Variants in OLFM3 observed in about 807,000 individuals in gnomAD.
OLFM3 encodes noelin-3.
OLFM3 carries 20 observed loss-of-function variants against 48.6 expected under a neutral mutation model. The observed-to-expected ratio is 0.41, with a 90% CI of 0.29 to 0.60. The LOEUF (loss-of-function observed/expected upper bound fraction) is 0.60, where lower values mean the gene tolerates loss of function less well. OLFM3 is among the 20% of genes least tolerant of loss of function. The pLI is 0.28. For missense variants in OLFM3, 437 were observed against 544.3 expected, an observed-to-expected ratio of 0.80 and a Z score of 1.96; for synonymous variants, 222 against 198.1, an observed-to-expected ratio of 1.12 and a Z score of -1.01.
intron 3 of OLFM3, among the ~76,000 whole-genome samples, chr1:101,826,541 G>C (rs1005579328): frequency 1.3e-5 from 2 of 152,302 alleles, no homozygotes; most frequent in Admixed American, 6.5e-5. Flanking sequence ...AATAGCAGGA[G>C]CTCCCATTGC....
intron 1 of OLFM3, among the ~76,000 whole-genome samples, chr1:101,903,647 T>C (rs1483848622): frequency 6.6e-6 from 1 of 151,938 alleles, no homozygotes; most frequent in Non-Finnish European, 1.5e-5. Context: ...TAAGAACTGC[T>C]TGTTTACAGA....
chr1:101,836,919 C>T lies in OLFM3; in HGVS notation c.176G>A (p.Arg59Gln), dbSNP rs189232723. Reference sequence around the variant, plus strand: ...GCGAAGTTGCCTGCTTTTGGCATCCCGGGAACACAGGTTTTGTTCTGGAGC... The same window carrying T: ...GCGAAGTTGCCTGCTTTTGGCATCCTGGGAACACAGGTTTTGTTCTGGAGC... ...VVAPEQNLCS[R>Q]DAKSRQLRQL... The change falls in exon 2 of 6, where the codon CGG (arginine) becomes CAG (glutamine). Residue 59 changes from arginine (R) to glutamine (Q), a missense_variant. Arg to Gln is a conservative substitution (Grantham distance 43, BLOSUM62 1). This residue lies in a region of OLFM3 where 314 missense variants were observed against 365.5 expected (regional missense o/e 0.86). Coordinates refer to ENST00000370103, the MANE Select transcript of OLFM3 (RefSeq NM_058170.4). 19 of 1,614,102 alleles carry T rather than the reference C, an allele frequency of 1.2e-5. No individual in the cohort carries two copies. The highest frequency in any genetic ancestry group is 5.5e-5 in the South Asian group (5 of 91,066).
intron 2 of OLFM3, among the ~76,000 whole-genome samples, chr1:101,834,085 A>G (rs746899791): frequency 1.3e-5 from 2 of 152,170 alleles, no homozygotes; most frequent in Admixed American, 6.6e-5. Context: ...AACCAATTAT[A>G]TTTTTTCTAA....
chr1:101,910,955 G>C (rs943599485), intron 1 of OLFM3, among the ~76,000 whole-genome samples: 4 of 152,152 alleles, frequency 2.6e-5, no homozygotes, highest in African/African-American at 9.7e-5. Flanking sequence ...ACAATCCAGA[G>C]AGGATATTCA....
chr1:101,881,690 G>T (rs1657531285), intron 1 of OLFM3, among the ~76,000 whole-genome samples: 3 of 151,670 alleles, frequency 2.0e-5, no homozygotes, highest in Non-Finnish European at 4.4e-5. Flanking sequence ...CATATGCACA[G>T]ACTATACAGT....
At chr1:101,911,963 T>A (rs1658773161) in intron 1 of OLFM3, among the ~76,000 whole-genome samples, 1 of 152,180 alleles carries the variant, frequency 6.6e-6, no homozygotes, top group African/African-American at 2.4e-5. Flanking sequence ...TATTTTCATA[T>A]GGAGTACGTA....
At chr1:101,878,595 G>A (rs954570788) in intron 1 of OLFM3, among the ~76,000 whole-genome samples, 2 of 151,802 alleles carry the variant, frequency 1.3e-5, no homozygotes, top group African/African-American at 4.8e-5. Context: ...AAATAATGGA[G>A]ACAAGATTCT....
At chr1:101,855,470 A>G (rs1232149268) in intron 1 of OLFM3, among the ~76,000 whole-genome samples, 1 of 152,004 alleles carries the variant, frequency 6.6e-6, no homozygotes, top group African/African-American at 2.4e-5. Context: ...ATAGGTATGC[A>G]AAAAAATAGC....
Position 101,878,469 on chromosome 1 carries a change from T to G in OLFM3, c.70-41444A>C, listed in dbSNP as rs1041057575. 2.0e-5 allele frequency among the ~76,000 whole-genome samples: 3 copies of G among 152,054 alleles called. No individual in the cohort carries two copies. The South Asian group carries it at 6.2e-4, about 31-fold the overall frequency. On this transcript the variant is annotated intron_variant, in intron 1 of 5. Transcript: ENST00000370103. ...CACATCAGAGGGAAGGTGACTTTCA[T>G]AAGCTGATAAATTTATATTCTACAT...
intron 1 of OLFM3, among the ~76,000 whole-genome samples, chr1:101,989,716 G>C (rs1661348647): frequency 8.7e-6 from 1 of 115,594 alleles, no homozygotes; most frequent in Admixed American, 8.4e-5. Context: ...AGCTAATTGA[G>C]GGTCAAGGTC....
chr1:101,852,069 C>T (rs1570562864), intron 1 of OLFM3, among the ~76,000 whole-genome samples: 1 of 151,946 alleles, frequency 6.6e-6, no homozygotes, highest in African/African-American at 2.4e-5. Flanking sequence ...CTTTTTCCAA[C>T]GTCGATAAAT....
intron 1 of OLFM3, among the ~76,000 whole-genome samples, chr1:101,983,219 A>G (rs1171458893): frequency 6.6e-6 from 1 of 152,232 alleles, no homozygotes; most frequent in East Asian, 1.9e-4. Context: ...GTAGCTCTTC[A>G]GTGCTTCACA....
intron 1 of OLFM3, among the ~76,000 whole-genome samples, chr1:101,843,916 CTGCGTG>C (rs373240312): frequency 1.8e-3 from 270 of 152,164 alleles, no homozygotes; most frequent in African/African-American, 6.3e-3. Flanking sequence ...ATTTCAAGAC[CTGCGTG>C]TGCGTGTGCG....
At chr1:101,837,159 G>T in intron 1 of OLFM3, 134 bp from the exon 2 acceptor site, 3 of 887,088 alleles carry the variant, frequency 3.4e-6, no homozygotes, top group Non-Finnish European at 5.0e-6. Context: ...AGTTAGCAGA[G>T]AGATATTAAA....
At chr1:101,821,197 A>C (rs530860975) in intron 4 of OLFM3, among the ~76,000 whole-genome samples, 1 of 152,196 alleles carries the variant, frequency 6.6e-6, no homozygotes, top group South Asian at 2.1e-4. Context: ...AAGGGTTCTC[A>C]GAGATGAATT....
chr1:101,996,780 G>A lies in OLFM3; in HGVS notation c.37C>T (p.Leu13=), dbSNP rs1661572780. The A allele has an allele frequency of 1.2e-6, 2 of 1,614,244 alleles. No homozygotes were observed. The highest frequency in any genetic ancestry group is 3.3e-5 in the Admixed American group (2 of 60,032). Residue 13 remains leucine, a synonymous_variant, in exon 1 of 6, where the codon CTG becomes TTG. Transcript: ENST00000370103. ...GGATCTAATCCGGCAAACAAAGACAGCAGCAGGAGGTTGAGAAGGTTGGAC... is the reference window on the plus strand; with the variant it reads ...GGATCTAATCCGGCAAACAAAGACAACAGCAGGAGGTTGAGAAGGTTGGAC... ...ATSNLLNLLL[L]SLFAGLDPSK...
chr1:101,901,479 G>C (rs1658384649), intron 1 of OLFM3, among the ~76,000 whole-genome samples: 1 of 152,074 alleles, frequency 6.6e-6, no homozygotes, highest in South Asian at 2.1e-4. Flanking sequence ...AGAGAATAAG[G>C]CTACAGGAAT....
Position 101,825,207 on chromosome 1 carries a change from G to A in OLFM3, c.411C>T (p.Ile137=). 4 of 1,613,986 alleles carry A rather than the reference G, an allele frequency of 2.5e-6. No homozygotes were observed. The highest frequency in any genetic ancestry group is 3.4e-6 in the Non-Finnish European group (4 of 1,179,938). Reference sequence around the variant, plus strand: ...CTGTTTTGTACTGTTCCAGCACGGGGATCAAAGGCAGGAGCTCGTCCATTT... The same window carrying A: ...CTGTTTTGTACTGTTCCAGCACGGGAATCAAAGGCAGGAGCTCGTCCATTT... The part of the protein sequence containing the change: ...KEKMDELLPL[I]PVLEQYKTDA... The change falls in exon 4 of 6, where the codon ATC becomes ATT. Residue 137 remains isoleucine (I), a synonymous_variant. Coordinates refer to ENST00000370103, the MANE Select transcript of OLFM3 (RefSeq NM_058170.4).
intron 1 of OLFM3, among the ~76,000 whole-genome samples, chr1:101,991,642 T>C (rs746365005): frequency 2.6e-5 from 4 of 151,620 alleles, no homozygotes; most frequent in Non-Finnish European, 4.4e-5. Context: ...AGTTTTTACT[T>C]TACATTTCCC....
Sources: gnomAD v4.1 joint callset for allele counts (sites outside exome capture counted in the v4.1 genomes callset) on GRCh38, gnomAD v4.1.1 for gene constraint, gnomAD v4.1.1 regional missense constraint, MANE v1.5 for transcripts, NCBI Gene and HGNC (gene_info 2026-07-23, HGNC 2026-07-21) for gene names.